ZFHX3: variants seen among roughly 807,000 people sequenced by gnomAD.
ZFHX3 encodes the protein zinc finger homeobox protein 3.
A neutral mutation model predicts 279.1 loss-of-function variants in ZFHX3; 42 were observed. The ratio of observed to expected loss-of-function variants is 0.15; its 90% CI spans 0.12 to 0.19. ZFHX3 has a LOEUF of 0.19. ZFHX3 is among the 10% of genes least tolerant of loss of function. The pLI, the probability that ZFHX3 is intolerant of heterozygous loss-of-function variation, is 1.00. For missense variants in ZFHX3, 4,981 were observed against 4,754.0 expected (o/e 1.05, Z -1.40); for synonymous variants, 2,293 against 1,957.8 (o/e 1.17, Z -4.52).
chr16:73,324,636 A>T (rs1285413978), intron 3 of ZFHX3, among the ~76,000 whole-genome samples: 1 of 152,230 alleles, frequency 6.6e-6, no homozygotes, highest in African/African-American at 2.4e-5. Flanking sequence ...GGCACCAGCC[A>T]CTACTTGCAA....
intron 2 of ZFHX3, among the ~76,000 whole-genome samples, chr16:73,509,521 CTTTTTTTTTTTTT>C (rs531436437): frequency 1.4e-3 from 141 of 102,990 alleles, no homozygotes; most frequent in African/African-American, 5.5e-3. Flanking sequence ...TTTCCCTCTC[CTTTTTTTTTTTTT>C]TTTTTTTTTT....
At chr16:73,200,698 T>C (rs974945837) in intron 5 of ZFHX3, among the ~76,000 whole-genome samples, 1 of 151,840 alleles carries the variant, frequency 6.6e-6, no homozygotes, top group Non-Finnish European at 1.5e-5. Context: ...ATCACAGACT[T>C]TTTTTTTAAG....
rs551981772 is a variant in ZFHX3, at chr16:73,342,875, G to A, written c.-1290-24539C>T. Among the ~76,000 whole-genome samples, 11 of 152,342 alleles carry A rather than the reference G, an allele frequency of 7.2e-5. No homozygotes were observed. The East Asian group carries it at 9.6e-4, about 13-fold the overall frequency. On this transcript the variant is annotated intron_variant, in intron 3 of 17. Transcript: ENST00000641206. ...ATGAACCAAAAAGTATTTCAAATGA[G>A]CAACACAGTGACACTGTGTGGGGGC...
At chr16:73,038,305 T>G (rs1351724726) in intron 1 of ZFHX3, among the ~76,000 whole-genome samples, 1 of 152,174 alleles carries the variant, frequency 6.6e-6, no homozygotes, top group Non-Finnish European at 1.5e-5. Context: ...GGAGCTTCCC[T>G]AGAGATTAGA....
intron 7 of ZFHX3, among the ~76,000 whole-genome samples, chr16:73,105,458 T>TACACACACATATATATATATATA (rs1396464674): frequency 3.1e-5 from 2 of 63,518 alleles, no homozygotes; most frequent in Middle Eastern, 7.7e-3. Context: ...TATATATATA[T>TACACACACATATATATATATATA]TTTTTCCCCC....
chr16:73,184,198 C>T (rs1004268348), intron 5 of ZFHX3, among the ~76,000 whole-genome samples: 2 of 152,144 alleles, frequency 1.3e-5, no homozygotes, highest in African/African-American at 4.8e-5. Flanking sequence ...GGGCTTGCCA[C>T]GTGGCTCAGT....
At chr16:73,822,815 C>A (rs1010820440) in intron 1 of ZFHX3, among the ~76,000 whole-genome samples, 5 of 152,218 alleles carry the variant, frequency 3.3e-5, no homozygotes, top group Non-Finnish European at 7.3e-5. Flanking sequence ...CTGAGAGCAA[C>A]AAGTCATTAA....
chr16:73,688,174 T>G (rs918897214), intron 1 of ZFHX3, among the ~76,000 whole-genome samples: 1 of 151,732 alleles, frequency 6.6e-6, no homozygotes, highest in Non-Finnish European at 1.5e-5. Context: ...CTGGCCAACA[T>G]GGTGAAACCC....
At chr16:72,895,496 G>T (rs1024531786) in intron 3 of ZFHX3, among the ~76,000 whole-genome samples, 2 of 152,142 alleles carry the variant, frequency 1.3e-5, no homozygotes, top group African/African-American at 4.8e-5. Flanking sequence ...ACTTTTCCTT[G>T]ATCACTCCCA....
chr16:72,922,243 T>G (rs1056465871), intron 3 of ZFHX3, among the ~76,000 whole-genome samples: 11 of 152,154 alleles, frequency 7.2e-5, no homozygotes, highest in Non-Finnish European at 1.5e-4. Context: ...CAATTCCTCC[T>G]TGCAGTTACT....
Position 72,796,450 on chromosome 16 carries a change from G to A in ZFHX3, c.6232C>T (p.Pro2078Ser). 6.2e-7 allele frequency: 1 copy of A among 1,609,300 alleles called. No individual in the cohort carries two copies. The highest frequency in any genetic ancestry group is 8.5e-7 in the Non-Finnish European group (1 of 1,179,868). The change falls in exon 9 of 10, where the codon CCG becomes TCG. Residue 2078 changes from proline to serine, a missense_variant. Transcript: ENST00000268489. Reference protein sequence around the residue: ...APPITSPTIAPAQPSVPLTQL... With the variant: ...APPITSPTIASAQPSVPLTQL... ...GTGAGCGGCACTGATGGCTGGGCCG[G>A]TGCAATTGTAGGTGAGGTGATGGGT...
chr16:72,804,222 G>A (rs910326418), intron 7 of ZFHX3, among the ~76,000 whole-genome samples: 6 of 152,190 alleles, frequency 3.9e-5, no homozygotes, highest in Non-Finnish European at 7.3e-5. Context: ...TTGAAAAGGA[G>A]TAGCCTTGAG....
intron 3 of ZFHX3, among the ~76,000 whole-genome samples, chr16:72,903,811 G>A (rs1386252119): frequency 6.6e-6 from 1 of 152,164 alleles, no homozygotes; most frequent in African/African-American, 2.4e-5. Flanking sequence ...CAGACTAAGA[G>A]AAAATAAATA....
chr16:73,713,434 T>TCCC (rs2053383282), intron 1 of ZFHX3, among the ~76,000 whole-genome samples: 1 of 152,144 alleles, frequency 6.6e-6, no homozygotes, highest in African/African-American at 2.4e-5. Context: ...GGGCTATTTT[T>TCCC]CCTCCTCCTC....
At chr16:72,964,940 C>T (rs12920583) in intron 1 of ZFHX3, among the ~76,000 whole-genome samples, 3,387 of 152,188 alleles carry the variant, frequency 0.022, 41 homozygotes, top group Non-Finnish European at 0.032. Flanking sequence ...TGCAGTGGTG[C>T]GATCTCAGCT....
chr16:73,871,851 G>C (rs2029862746), intron 1 of ZFHX3, among the ~76,000 whole-genome samples: 1 of 152,138 alleles, frequency 6.6e-6, no homozygotes, highest in Non-Finnish European at 1.5e-5. Flanking sequence ...AGCAGACACA[G>C]AGCCACCTGA....
At chr16:73,884,603 A>G (rs2030287093) in intron 1 of ZFHX3, among the ~76,000 whole-genome samples, 1 of 152,194 alleles carries the variant, frequency 6.6e-6, no homozygotes. Context: ...ACAGATGACT[A>G]TTCCCGAAAT....
chr16:73,713,641 T>A (rs533330817), intron 1 of ZFHX3, among the ~76,000 whole-genome samples: 2 of 151,892 alleles, frequency 1.3e-5, no homozygotes, highest in African/African-American at 2.4e-5. Context: ...TTTTTTTTTT[T>A]TTATACTCTA....
At chr16:73,113,338 A>G (rs2144800914) in intron 7 of ZFHX3, among the ~76,000 whole-genome samples, 1 of 152,312 alleles carries the variant, frequency 6.6e-6, no homozygotes, top group Middle Eastern at 3.4e-3. Context: ...CTGGCCTGGG[A>G]AATTAAGAAC....
Sources: gnomAD v4.1 joint callset for allele counts (sites outside exome capture counted in the v4.1 genomes callset) on GRCh38, gnomAD v4.1.1 for gene constraint, MANE v1.5 for transcripts, NCBI Gene and HGNC (gene_info 2026-07-23, HGNC 2026-07-21) for gene names.